KLHL13: variants seen among roughly 807,000 people sequenced by gnomAD.
The protein encoded by KLHL13 is kelch like family member 13.
In KLHL13, 10 loss-of-function variants were observed where a neutral mutation model predicts 37.1. The observed-to-expected ratio is 0.27, with a 90% confidence interval of 0.17 to 0.46. The LOEUF (loss-of-function observed/expected upper bound fraction) is 0.46. Among genes scored for constraint, KLHL13 ranks in the 20% least tolerant of loss-of-function variants. The pLI is 1.00. For synonymous variants in KLHL13, 163 were observed against 181.2 expected (o/e 0.90, Z 0.81); for missense variants, 360 against 509.3 (o/e 0.71, Z 2.82).
chrX:117,988,152 A>G (rs138742075), intron 1 of KLHL13, among the ~76,000 whole-genome samples: 2,184 of 112,056 alleles, frequency 0.019, 49 homozygotes, highest in African/African-American at 0.066. Flanking sequence ...ATTTTATATT[A>G]TATTTTGATT....
At chrX:118,060,536 C>T (rs2054730074) in intron 1 of KLHL13, among the ~76,000 whole-genome samples, 1 of 110,806 alleles carries the variant, frequency 9.0e-6, no homozygotes, top group Non-Finnish European at 1.9e-5. Flanking sequence ...CTTCCACGTA[C>T]CAGACACTTT....
chrX:117,919,590 C>T (rs776251174), exon 4 of KLHL13: 1 of 1,208,183 alleles, frequency 8.3e-7, no homozygotes, highest in Admixed American at 2.2e-5. Context: ...CAGCTTCCAG[C>T]GTGTCTTGAA....
intron 1 of KLHL13, among the ~76,000 whole-genome samples, chrX:118,078,584 G>T (rs753285057): frequency 1.8e-5 from 2 of 111,618 alleles, no homozygotes; most frequent in African/African-American, 3.2e-5. Context: ...ATTTTTGTAT[G>T]TATCAGTACT....
At chrX:118,101,515 C>T (rs2055288698) in intron 1 of KLHL13, among the ~76,000 whole-genome samples, 2 of 111,547 alleles carry the variant, frequency 1.8e-5, no homozygotes, top group Non-Finnish European at 3.8e-5. Context: ...GAAAGAAACA[C>T]ATAACAGGGG....
chrX:118,020,034 T>G (rs1387099267), intron 1 of KLHL13, among the ~76,000 whole-genome samples: 5 of 110,598 alleles, frequency 4.5e-5, no homozygotes, highest in Non-Finnish European at 7.6e-5. Context: ...GTGAAGAAAG[T>G]CATTGGTAGC....
At chrX:117,990,601 A>G (rs2053777023) in intron 1 of KLHL13, among the ~76,000 whole-genome samples, 1 of 111,607 alleles carries the variant, frequency 9.0e-6, no homozygotes, top group African/African-American at 3.3e-5. Context: ...CAATTTTAAC[A>G]ATCACTGCTC....
intron 1 of KLHL13, among the ~76,000 whole-genome samples, chrX:118,090,928 C>T (rs2055125823): frequency 9.3e-6 from 1 of 107,745 alleles, no homozygotes; most frequent in African/African-American, 3.4e-5. Context: ...CACATATACA[C>T]CATGGAATAC....
chrX:118,051,414 A>G (rs1366130932), intron 1 of KLHL13, among the ~76,000 whole-genome samples: 4 of 108,837 alleles, frequency 3.7e-5, no homozygotes, highest in Non-Finnish European at 7.6e-5. Context: ...GGTGGCGGGC[A>G]CCTGTAGTCC....
intron 1 of KLHL13, among the ~76,000 whole-genome samples, chrX:118,089,048 G>A (rs1048718579): frequency 9.0e-6 from 1 of 111,525 alleles, no homozygotes; most frequent in Non-Finnish European, 1.9e-5. Flanking sequence ...AAAAAGGGCA[G>A]AATATTAGGA....
chrX:118,047,424 CAT>C (rs780644795), intron 1 of KLHL13, among the ~76,000 whole-genome samples: 11 of 111,909 alleles, frequency 9.8e-5, no homozygotes, highest in Non-Finnish European at 1.9e-4. Flanking sequence ...TCATAACACA[CAT>C]GACAGGCAAC....
chrX:117,919,738 A>G (rs1201226678), intron 3 of KLHL13, 21 bp from the exon 5 acceptor site: 2 of 1,109,860 alleles, frequency 1.8e-6, no homozygotes, highest in Non-Finnish European at 2.5e-6. Flanking sequence ...AAGACATTCA[A>G]TTAAATGAAG....
chrX:117,964,776 G>A (rs766303329), intron 1 of KLHL13, among the ~76,000 whole-genome samples: 69 of 110,138 alleles, frequency 6.3e-4, no homozygotes, highest in East Asian at 1.7e-3. Context: ...TGTGATGTTC[G>A]CCTTCCTGTG....
chrX:117,918,357 G>A (rs1259994454), intron 4 of KLHL13, among the ~76,000 whole-genome samples: 1 of 111,329 alleles, frequency 9.0e-6, no homozygotes, highest in East Asian at 2.8e-4. Context: ...TTAAGGACAT[G>A]GCTCTCTTGA....
At chrX:117,939,264 A>G in intron 2 of KLHL13, among the ~76,000 whole-genome samples, 1 of 112,026 alleles carries the variant, frequency 8.9e-6, no homozygotes, top group African/African-American at 3.2e-5. Context: ...TGCAAAGGAC[A>G]TGAACTCATC....
At chrX:118,005,558 GC>G in intron 1 of KLHL13, among the ~76,000 whole-genome samples, 1 of 111,469 alleles carries the variant, frequency 9.0e-6, no homozygotes, top group African/African-American at 3.3e-5. Context: ...ATTCAGTTGT[GC>G]TCCTCAACAT....
chrX:117,940,510 T>C (rs1218996535), intron 2 of KLHL13, among the ~76,000 whole-genome samples: 2 of 111,835 alleles, frequency 1.8e-5, no homozygotes, highest in Admixed American at 1.9e-4. Flanking sequence ...GGGGATAGCA[T>C]TGAATCTATA....
chrX:117,965,415 G>A lies in KLHL13; in HGVS notation c.98+7316C>T, dbSNP rs571995550. Among the ~76,000 whole-genome samples the A allele has an allele frequency of 1.5e-3, 169 of 111,613 alleles. 2 individuals are homozygous for A. Among genetic ancestry groups the A allele is most frequent in the African/African-American group, 5.3e-3 (163 of 30,672 alleles). ...TGAGAAGTGTCTGTTAATATCCTTC[G>A]CCCACTTGTTGATGGGGTTGTTTTT... On this transcript the variant is annotated intron_variant, in intron 1 of 6. Coordinates refer to ENST00000262820, the Ensembl canonical transcript of KLHL13.
chrX:117,970,793 A>G (rs899129456), intron 1 of KLHL13, among the ~76,000 whole-genome samples: 2 of 111,983 alleles, frequency 1.8e-5, no homozygotes, highest in African/African-American at 6.5e-5. Context: ...GTGCATATTT[A>G]CTTACTATTA....
At chrX:117,964,782 C>T (rs1186019096) in intron 1 of KLHL13, among the ~76,000 whole-genome samples, 1 of 110,986 alleles carries the variant, frequency 9.0e-6, no homozygotes, top group Non-Finnish European at 1.9e-5. Context: ...GTTCGCCTTC[C>T]TGTGTCCAAG....
Sources: gnomAD v4.1 joint callset for allele counts (sites outside exome capture counted in the v4.1 genomes callset) on GRCh38, gnomAD v4.1.1 for gene constraint, MANE v1.5 for transcripts, NCBI Gene and HGNC (gene_info 2026-07-23, HGNC 2026-07-21) for gene names.